Variants in GSG1L observed in about 807,000 individuals in gnomAD.
GSG1L encodes germ cell-specific gene 1-like protein.
Under a neutral mutation model 42.1 loss-of-function variants are expected in GSG1L, and 24 were observed. The observed-to-expected ratio is 0.57, with a 90% CI of 0.41 to 0.80. GSG1L has a LOEUF of 0.80. GSG1L is among the 30% of genes least tolerant of loss of function. The pLI is 0.00. For missense variants in GSG1L, 445 were observed against 472.2 expected (o/e 0.94, Z 0.53); for synonymous variants, 215 against 203.5 (o/e 1.06, Z -0.48).
At chr16:27,972,105 G>A (rs183186933) in intron 1 of GSG1L, among the ~76,000 whole-genome samples, 1 of 152,198 alleles carries the variant, frequency 6.6e-6, no homozygotes, top group African/African-American at 2.4e-5. Flanking sequence ...ACAGCTGGGG[G>A]TGTCCTGAAA....
intron 1 of GSG1L, among the ~76,000 whole-genome samples, chr16:28,054,965 C>T (rs1301211184): frequency 2.0e-5 from 3 of 152,126 alleles, no homozygotes; most frequent in Admixed American, 6.5e-5. Context: ...AACTACACAG[C>T]GGTTGCCCAG....
intron 1 of GSG1L, among the ~76,000 whole-genome samples, chr16:27,965,337 A>G (rs1488696799): frequency 1.3e-5 from 2 of 152,100 alleles, no homozygotes; most frequent in Non-Finnish European, 2.9e-5. Flanking sequence ...TTTAAATAAA[A>G]TTTAATTTAA....
At chr16:28,056,970 C>T (rs946572575) in intron 1 of GSG1L, among the ~76,000 whole-genome samples, 10 of 151,944 alleles carry the variant, frequency 6.6e-5, no homozygotes, top group South Asian at 2.1e-4. Flanking sequence ...GAGACTTGTA[C>T]GGGGTTGTCT....
intron 1 of GSG1L, among the ~76,000 whole-genome samples, chr16:27,975,794 T>G (rs548458408): frequency 6.6e-5 from 10 of 152,336 alleles, no homozygotes; most frequent in Middle Eastern, 3.4e-3. Flanking sequence ...CACAGTTGTA[T>G]CCCATCAACA....
At chr16:27,916,269 C>T (rs971301920) in intron 2 of GSG1L, among the ~76,000 whole-genome samples, 2 of 152,032 alleles carry the variant, frequency 1.3e-5, no homozygotes, top group Admixed American at 1.3e-4. Context: ...TCTAATTTAT[C>T]TTCCTCTGCC....
intron 1 of GSG1L, among the ~76,000 whole-genome samples, chr16:28,051,135 G>A (rs988461611): frequency 2.6e-5 from 4 of 152,180 alleles, no homozygotes; most frequent in African/African-American, 9.7e-5. Flanking sequence ...CTCCTTCTGA[G>A]TCAACCCAAG....
At chr16:28,049,740 G>A (rs1468649898) in intron 1 of GSG1L, among the ~76,000 whole-genome samples, 1 of 151,670 alleles carries the variant, frequency 6.6e-6, no homozygotes, top group Non-Finnish European at 1.5e-5. Context: ...AATCAGCAAG[G>A]ACTAACTTAT....
chr16:27,935,781 A>G (rs2084708949), intron 2 of GSG1L, among the ~76,000 whole-genome samples: 1 of 150,592 alleles, frequency 6.6e-6, no homozygotes, highest in South Asian at 2.1e-4. Flanking sequence ...TGTGCCAGCA[A>G]CAGCCATTAG....
intron 2 of GSG1L, among the ~76,000 whole-genome samples, chr16:27,951,450 G>A (rs565109198): frequency 1.3e-5 from 2 of 152,294 alleles, no homozygotes; most frequent in South Asian, 4.1e-4. Flanking sequence ...CCACCAGGAG[G>A]TACCCAGTCC....
chr16:27,929,004 C>A (rs1252182956), intron 2 of GSG1L, among the ~76,000 whole-genome samples: 1 of 152,236 alleles, frequency 6.6e-6, no homozygotes, highest in African/African-American at 2.4e-5. Context: ...ATGTAAGTAT[C>A]TCTTCCAGAG....
Position 27,884,550 on chromosome 16 carries a change from G to C in GSG1L, c.486C>G (p.His162Gln), listed in dbSNP as rs2084004868. Residue 162 changes from histidine to glutamine, a missense_variant, in exon 3 of 7, where the codon CAC becomes CAG. Physicochemically the swap from His to Gln is conservative, Grantham distance 24. This residue lies in a region of GSG1L where 149 missense variants were observed against 223.3 expected (regional missense o/e 0.67). Coordinates refer to ENST00000447459, the MANE Select transcript of GSG1L (RefSeq NM_001109763.2). The surrounding 1 kb of genome is among the most constrained non-coding windows in gnomAD (Gnocchi z 4.4). ...TGAGCCCGTCGATGACATTGCTGGA[G>C]TGGAAGAGCTCGAGACACATGAGGC... ...GFSLMCLELF[H>Q]SSNVIDGLKL... The C allele has an allele frequency of 5.0e-6, 8 of 1,613,936 alleles. No individual in the cohort carries two copies. Among genetic ancestry groups the C allele is most frequent in the Non-Finnish European group, 6.8e-6 (8 of 1,179,932 alleles).
chr16:27,800,960 G>A (rs977838164), intron 6 of GSG1L, among the ~76,000 whole-genome samples: 2 of 152,012 alleles, frequency 1.3e-5, no homozygotes, highest in Non-Finnish European at 2.9e-5. Context: ...AAGAGAACCC[G>A]GTGATATGGG....
chr16:28,062,901 GGCCCCGGAACGGCGCGCGCCCCCT>G (rs1166735000), intron 1 of GSG1L, among the ~76,000 whole-genome samples, 151 bp downstream of exon 1: 1 of 152,004 alleles, frequency 6.6e-6, no homozygotes, highest in Non-Finnish European at 1.5e-5. Context: ...GCTGGTCCCC[GGCCCCGGAACGGCGCGCGCCCCCT>G]GCCCCGGAAC....
intron 1 of GSG1L, among the ~76,000 whole-genome samples, chr16:28,051,870 A>G (rs1392204207): frequency 3.3e-5 from 5 of 152,016 alleles, no homozygotes; most frequent in Admixed American, 6.6e-5. Context: ...GAGCAGAGGG[A>G]CTCCAGCAGT....
chr16:28,021,136 T>G (rs1405442126), intron 1 of GSG1L, among the ~76,000 whole-genome samples: 1 of 152,202 alleles, frequency 6.6e-6, no homozygotes, highest in East Asian at 1.9e-4. Context: ...GAAAGAGGTT[T>G]AATCAGTTCA....
chr16:27,854,402 G>A (rs745770520), intron 3 of GSG1L, among the ~76,000 whole-genome samples: 1 of 151,964 alleles, frequency 6.6e-6, no homozygotes, highest in African/African-American at 2.4e-5. Flanking sequence ...CCCCAAGAAG[G>A]AATGAGCTGC....
chr16:27,931,185 A>G (rs912402801), intron 2 of GSG1L, among the ~76,000 whole-genome samples: 1 of 152,210 alleles, frequency 6.6e-6, no homozygotes, highest in Admixed American at 6.5e-5. Flanking sequence ...CGTGGGGCCA[A>G]TCAAAGGGAC....
chr16:27,987,280 T>C (rs1045016000), intron 1 of GSG1L, among the ~76,000 whole-genome samples: 1 of 152,170 alleles, frequency 6.6e-6, no homozygotes, highest in African/African-American at 2.4e-5. Context: ...TTCAGAATTA[T>C]CAGTATTAAA....
intron 2 of GSG1L, among the ~76,000 whole-genome samples, chr16:27,915,289 T>C (rs1373499736): frequency 7.4e-6 from 1 of 134,448 alleles, no homozygotes; most frequent in Non-Finnish European, 1.6e-5. Context: ...AGGGGCAGGG[T>C]GGGGGCAGAA....
Sources: allele counts gnomAD v4.1 joint callset (sites outside exome capture counted in the v4.1 genomes callset), GRCh38; gene constraint gnomAD v4.1.1; regional missense constraint gnomAD v4.1.1; non-coding constraint Gnocchi (gnomAD v3.1); transcripts MANE v1.5; gene names NCBI Gene and HGNC (gene_info 2026-07-23, HGNC 2026-07-21).